The following CAMK1D variants were observed in gnomAD, a reference collection of about 807,000 sequenced individuals.
CAMK1D encodes the protein calcium/calmodulin dependent protein kinase ID.
Under a neutral mutation model 47.7 loss-of-function variants are expected in CAMK1D, and 9 were observed. The observed-to-expected ratio is 0.19, with a 90% confidence interval of 0.11 to 0.33. The LOEUF (loss-of-function observed/expected upper bound fraction) is 0.33. Among genes scored for constraint, CAMK1D ranks in the 10% least tolerant of loss-of-function variants. The pLI, the probability that CAMK1D is intolerant of heterozygous loss-of-function variation, is 1.00. For synonymous variants in CAMK1D, 184 were observed against 184.9 expected (o/e 0.99, Z 0.04); for missense variants, 291 against 488.7 (o/e 0.60, Z 3.81).
At chr10:12,656,548 ATTTG>A (rs545046097) in intron 2 of CAMK1D, among the ~76,000 whole-genome samples, 12 of 152,352 alleles carry the variant, frequency 7.9e-5, no homozygotes, top group Middle Eastern at 6.8e-3. Context: ...TTTTATTGTC[ATTTG>A]TTTGTTTGTT....
intron 3 of CAMK1D, among the ~76,000 whole-genome samples, chr10:12,713,531 G>A (rs189481292): frequency 1.3e-5 from 2 of 152,236 alleles, no homozygotes; most frequent in Admixed American, 1.3e-4. Flanking sequence ...GTGGCTTATT[G>A]GTCAGATCAA....
At chr10:12,450,223 A>T (rs908037410) in intron 1 of CAMK1D, among the ~76,000 whole-genome samples, 10 of 152,134 alleles carry the variant, frequency 6.6e-5, no homozygotes, top group African/African-American at 2.4e-4. Context: ...GCATTATCAC[A>T]ACTAATACAA....
intron 1 of CAMK1D, among the ~76,000 whole-genome samples, chr10:12,395,030 A>G (rs574540049): frequency 6.6e-6 from 1 of 151,734 alleles, no homozygotes; most frequent in African/African-American, 2.4e-5. Context: ...ACTGAGGGTA[A>G]ACAGTTACAC....
At chr10:12,568,826 C>G (rs1159344169) in intron 2 of CAMK1D, among the ~76,000 whole-genome samples, 1 of 152,112 alleles carries the variant, frequency 6.6e-6, no homozygotes, top group Non-Finnish European at 1.5e-5. Flanking sequence ...TTTCCTTATG[C>G]AGATGTGCGT....
chr10:12,518,985 C>T (rs1268050810), intron 1 of CAMK1D, among the ~76,000 whole-genome samples: 5 of 122,498 alleles, frequency 4.1e-5, no homozygotes, highest in Non-Finnish European at 9.0e-5. Context: ...CATGGCCCAT[C>T]CCCAATGAGC....
chr10:12,517,045 T>G (rs1372940220), intron 1 of CAMK1D, among the ~76,000 whole-genome samples: 1 of 152,262 alleles, frequency 6.6e-6, no homozygotes, highest in Non-Finnish European at 1.5e-5. Flanking sequence ...TGGTTTTCTT[T>G]GATTTCTTTA....
chr10:12,478,819 C>T (rs1361750527), intron 1 of CAMK1D, among the ~76,000 whole-genome samples: 7 of 152,148 alleles, frequency 4.6e-5, no homozygotes, highest in African/African-American at 1.7e-4. Flanking sequence ...TTCCCTGTTA[C>T]AGATTCCATC....
intron 1 of CAMK1D, among the ~76,000 whole-genome samples, chr10:12,376,870 C>T (rs973978060): frequency 2.0e-4 from 31 of 151,898 alleles, no homozygotes; most frequent in Non-Finnish European, 7.4e-5. Context: ...AAGCGATTCT[C>T]CTGCCTCAGC....
chr10:12,674,925 AG>A (rs1348444040), intron 3 of CAMK1D, among the ~76,000 whole-genome samples: 1 of 150,936 alleles, frequency 6.6e-6, no homozygotes, highest in Non-Finnish European at 1.5e-5. Context: ...CCAGCTACTC[AG>A]GAGGCTGAGG....
At chr10:12,623,058 TCCCTC>T (rs1839050395) in intron 2 of CAMK1D, among the ~76,000 whole-genome samples, 1 of 56,442 alleles carries the variant, frequency 1.8e-5, no homozygotes, top group African/African-American at 7.0e-5. Context: ...CCTCCCTCCC[TCCCTC>T]CCTTCCTCCC....
chr10:12,741,864 A>C (rs1835446814), intron 3 of CAMK1D, among the ~76,000 whole-genome samples: 1 of 152,098 alleles, frequency 6.6e-6, no homozygotes, highest in South Asian at 2.1e-4. Flanking sequence ...TGGGACAAGG[A>C]GGGAGGATGG....
At chr10:12,563,389 C>CTCTG (rs977123510) in intron 2 of CAMK1D, among the ~76,000 whole-genome samples, 5 of 152,166 alleles carry the variant, frequency 3.3e-5, no homozygotes, top group African/African-American at 4.8e-5. Flanking sequence ...TTGATTCTTC[C>CTCTG]TCTGCCTTTT....
At chr10:12,593,401 T>G (rs1838053148) in intron 2 of CAMK1D, among the ~76,000 whole-genome samples, 1 of 151,868 alleles carries the variant, frequency 6.6e-6, no homozygotes, top group South Asian at 2.1e-4. Context: ...ACCAGCCTGG[T>G]CAACATGGTG....
intron 1 of CAMK1D, among the ~76,000 whole-genome samples, chr10:12,534,714 T>C (rs1262151018): frequency 2.6e-5 from 4 of 152,162 alleles, no homozygotes; most frequent in African/African-American, 9.6e-5. Context: ...TATTTTTCTC[T>C]CGTCAGGGAT....
chr10:12,563,832 A>G (rs538531672), intron 2 of CAMK1D, among the ~76,000 whole-genome samples: 29 of 152,302 alleles, frequency 1.9e-4, no homozygotes, highest in African/African-American at 6.7e-4. Context: ...TGAAGAAACA[A>G]TGTGTTTTAT....
chr10:12,403,841 G>A (rs1839316882), intron 1 of CAMK1D, among the ~76,000 whole-genome samples: 1 of 151,854 alleles, frequency 6.6e-6, no homozygotes, highest in Non-Finnish European at 1.5e-5. Context: ...CTTGAAGTAG[G>A]GTGGTTGTTT....
chr10:12,577,930 C>T (rs1837542593), intron 2 of CAMK1D, among the ~76,000 whole-genome samples: 3 of 152,214 alleles, frequency 2.0e-5, no homozygotes, highest in South Asian at 4.1e-4. Flanking sequence ...TCCAATCATC[C>T]ATGCAGTCAA....
chr10:12,459,376 C>G (rs1283388766), intron 1 of CAMK1D, among the ~76,000 whole-genome samples: 4 of 152,130 alleles, frequency 2.6e-5, no homozygotes, highest in Non-Finnish European at 4.4e-5. Flanking sequence ...TTAATGTTCT[C>G]TGAATGATTT....
At chr10:12,390,768 G>A (rs1838695674) in intron 1 of CAMK1D, among the ~76,000 whole-genome samples, 1 of 152,138 alleles carries the variant, frequency 6.6e-6, no homozygotes, top group African/African-American at 2.4e-5. Context: ...AAGGGTTGAG[G>A]GACTTGCCTG....
Sources: allele counts gnomAD v4.1 joint callset (sites outside exome capture counted in the v4.1 genomes callset), GRCh38; gene constraint gnomAD v4.1.1; transcripts MANE v1.5; gene names NCBI Gene and HGNC (gene_info 2026-07-23, HGNC 2026-07-21).